Variants in PTK7 observed in about 807,000 individuals in gnomAD.
PTK7 encodes the protein protein tyrosine kinase 7 (inactive), also known as inactive tyrosine-protein kinase 7.
Under a neutral mutation model 116.6 loss-of-function variants are expected in PTK7, and 39 were observed. The ratio of observed to expected loss-of-function variants is 0.33; its 90% CI spans 0.26 to 0.44. PTK7 has a LOEUF of 0.44. PTK7 is among the 20% of genes least tolerant of loss of function. The probability of loss-of-function intolerance (pLI) is 1.00; values close to 1 mark genes in which losing one functional copy is unlikely to be tolerated. For synonymous variants in PTK7, 546 were observed against 563.6 expected (o/e 0.97, Z 0.44); for missense variants, 1,169 against 1,425.6 (o/e 0.82, Z 2.90).
chr6:43,096,926 C>T (rs565209898), intron 1 of PTK7, among the ~76,000 whole-genome samples: 21 of 68,508 alleles, frequency 3.1e-4, no homozygotes, highest in African/African-American at 1.4e-3. Context: ...GCCTGGAGGC[C>T]GCTGCCTTAG....
chr6:43,152,316 C>T (rs912824553), intron 17 of PTK7, among the ~76,000 whole-genome samples: 11 of 152,286 alleles, frequency 7.2e-5, no homozygotes, highest in African/African-American at 2.6e-4. Flanking sequence ...GCAGATCATT[C>T]ACCATCAGTT....
At chr6:43,160,211 G>C (rs1771767621) in intron 19 of PTK7, among the ~76,000 whole-genome samples, 1 of 152,176 alleles carries the variant, frequency 6.6e-6, no homozygotes, top group Non-Finnish European at 1.5e-5. Context: ...TGCCTCCTGG[G>C]TTCAAGCGAT....
chr6:43,097,594 A>C (rs961378797), intron 1 of PTK7, among the ~76,000 whole-genome samples: 2 of 152,234 alleles, frequency 1.3e-5, no homozygotes, highest in Non-Finnish European at 2.9e-5. Flanking sequence ...TGAAATTTGC[A>C]CAGGATAATC....
chr6:43,156,516 G>T (rs1771443131), intron 17 of PTK7, among the ~76,000 whole-genome samples: 1 of 151,852 alleles, frequency 6.6e-6, no homozygotes, highest in South Asian at 2.1e-4. Context: ...GCTGAGTTGG[G>T]AGGATCACTT....
chr6:43,160,776 C>G lies in PTK7; in HGVS notation c.3108C>G (p.Leu1036=), dbSNP rs754078240. 6.2e-7 allele frequency: 1 copy of G among 1,614,232 alleles called. No homozygotes were observed. The highest frequency in any genetic ancestry group is 8.5e-7 in the Non-Finnish European group (1 of 1,180,030). Residue 1036 remains leucine, a synonymous_variant, in exon 20 of 20, where the codon CTC becomes CTG. Transcript: ENST00000230419. ...AGCCCGAGGGCTGCCCTTCCAAACT[C>G]TATCGGCTGATGCAGCGCTGCTGGG... ...LPQPEGCPSK[L]YRLMQRCWAL...
intron 1 of PTK7, among the ~76,000 whole-genome samples, chr6:43,078,612 C>T (rs1281233182): frequency 6.6e-6 from 1 of 152,226 alleles, no homozygotes; most frequent in Non-Finnish European, 1.5e-5. Flanking sequence ...AGTGAGATCC[C>T]ACTGTTAATA....
At chr6:43,124,476 G>A (rs1260561972) in intron 1 of PTK7, among the ~76,000 whole-genome samples, 1 of 152,144 alleles carries the variant, frequency 6.6e-6, no homozygotes, top group East Asian at 1.9e-4. Flanking sequence ...TTGAGCTAAG[G>A]ATTTCAAGAC....
chr6:43,088,900 A>C (rs923320213), intron 1 of PTK7, among the ~76,000 whole-genome samples: 1 of 151,916 alleles, frequency 6.6e-6, no homozygotes, highest in Non-Finnish European at 1.5e-5. Context: ...ATTCCAGACT[A>C]TTGCTTCCTG....
chr6:43,097,606 A>G (rs1561940284), intron 1 of PTK7, among the ~76,000 whole-genome samples: 1 of 152,224 alleles, frequency 6.6e-6, no homozygotes, highest in Non-Finnish European at 1.5e-5. Context: ...AGGATAATCT[A>G]TAAATATTGG....
intron 7 of PTK7, among the ~76,000 whole-genome samples, chr6:43,135,387 C>T (rs1181838697): frequency 6.6e-6 from 1 of 152,218 alleles, no homozygotes; most frequent in Admixed American, 6.5e-5. Flanking sequence ...AAGCCCCTCT[C>T]CTTGTGGAGT....
chr6:43,144,801 C>T (rs549390624), intron 15 of PTK7, 195 bp downstream of exon 15: 1 of 559,802 alleles, frequency 1.8e-6, no homozygotes, highest in East Asian at 2.9e-5. Flanking sequence ...TTTGTCATTC[C>T]TGTGTACTAC....
At chr6:43,132,261 G>A (rs1320060537) in intron 6 of PTK7, 97 bp downstream of exon 6, 2 of 1,513,944 alleles carry the variant, frequency 1.3e-6, no homozygotes, top group Non-Finnish European at 1.8e-6. Context: ...GCCGCTTGGA[G>A]GGCAGGGGAA....
At chr6:43,137,455 A>T (rs1770107061) in intron 7 of PTK7, among the ~76,000 whole-genome samples, 1 of 152,176 alleles carries the variant, frequency 6.6e-6, no homozygotes, top group African/African-American at 2.4e-5. Flanking sequence ...ATTGACTGAG[A>T]TAGGGAAAAT....
chr6:43,151,898 G>A (rs1207093293), intron 17 of PTK7, among the ~76,000 whole-genome samples: 1 of 141,390 alleles, frequency 7.1e-6, no homozygotes, highest in African/African-American at 2.7e-5. Context: ...AGGCTGGAGT[G>A]CAGTGGCGGG....
In PTK7 at chr6:43,083,516, G is replaced by A. The variant is rs538866790; in HGVS notation, c.79+6949G>A. Among the ~76,000 whole-genome samples the A allele has an allele frequency of 1.6e-4, 25 of 152,340 alleles. No homozygotes were observed. The East Asian group carries it at 4.4e-3, about 27-fold the overall frequency. ...ATGCCACAGCTAATCAGCGGTTTGA[G>A]GAAGCCCTCTGTAGTATGTCACTTT... On this transcript the variant is annotated intron_variant, in intron 1 of 19. Transcript: ENST00000230419.
At chr6:43,084,733 A>G (rs547980872) in intron 1 of PTK7, among the ~76,000 whole-genome samples, 1 of 152,344 alleles carries the variant, frequency 6.6e-6, no homozygotes, top group South Asian at 2.1e-4. Flanking sequence ...TAAGTAGAAT[A>G]GAAGAACATT....
chr6:43,106,067 A>AGG (rs1767872862), intron 1 of PTK7, among the ~76,000 whole-genome samples: 1 of 151,998 alleles, frequency 6.6e-6, no homozygotes, highest in South Asian at 2.1e-4. Context: ...CCTTGGAAAC[A>AGG]GGGACTCATT....
At chr6:43,116,656 GCGCA>G (rs879471153) in intron 1 of PTK7, among the ~76,000 whole-genome samples, 10,066 of 127,478 alleles carry the variant, frequency 0.079, 449 homozygotes, top group African/African-American at 0.099. Context: ...GTGTGTGCGC[GCGCA>G]CGCACGCACG....
At position 43,114,709 on chromosome 6, in the gene PTK7, T is replaced by C. The variant is rs534259154; in HGVS notation, c.80-14268T>C. On this transcript the variant is annotated intron_variant, in intron 1 of 19. Transcript: ENST00000230419. Reference sequence around the variant, plus strand: ...AGCCGTCCGCGTGTGCTTTATGCTTTATGTTTCCCTCTGAAGTGGGCTGTC... The same window carrying C: ...AGCCGTCCGCGTGTGCTTTATGCTTCATGTTTCCCTCTGAAGTGGGCTGTC... Among the ~76,000 whole-genome samples the C allele has an allele frequency of 3.1e-4, 47 of 152,266 alleles. 1 individual carries two copies. The highest frequency in any genetic ancestry group is 2.4e-3 in the Admixed American group (37 of 15,270).
Sources: gnomAD v4.1 joint callset for allele counts (sites outside exome capture counted in the v4.1 genomes callset) on GRCh38, gnomAD v4.1.1 for gene constraint, MANE v1.5 for transcripts, NCBI Gene and HGNC (gene_info 2026-07-23, HGNC 2026-07-21) for gene names.